Variants in SHANK2 observed in about 807,000 individuals in gnomAD.
SHANK2 encodes SH3 and multiple ankyrin repeat domains 2.
In SHANK2, 43 loss-of-function variants were observed where a neutral mutation model predicts 133.7. The ratio of observed to expected loss-of-function variants is 0.32; its 90% CI spans 0.25 to 0.41. The LOEUF (loss-of-function observed/expected upper bound fraction) is 0.41. Ranked by LOEUF, SHANK2 falls within the 10% of genes least tolerant of loss-of-function variation. SHANK2 has a pLI of 1.00. For synonymous variants in SHANK2, 1,017 were observed against 952.8 expected, an observed-to-expected ratio of 1.07 and a Z score of -1.24; for missense variants, 1,994 against 2,235.8, an observed-to-expected ratio of 0.89 and a Z score of 2.18.
intron 15 of SHANK2, chr11:70,669,562 G>T (rs1555015537): frequency 6.6e-6 from 1 of 152,646 alleles, no homozygotes; most frequent in Non-Finnish European, 1.5e-5. Context: ...GAGGCAGCGG[G>T]GCTGTTTCCA....
chr11:71,116,516 G>T (rs1467815632), intron 4 of SHANK2, among the ~76,000 whole-genome samples: 1 of 152,254 alleles, frequency 6.6e-6, no homozygotes, highest in Non-Finnish European at 1.5e-5. Context: ...GGGAGGCCCA[G>T]GAGCTTGTGG....
intron 15 of SHANK2, among the ~76,000 whole-genome samples, chr11:70,681,491 G>T (rs1370934424): frequency 1.3e-5 from 2 of 152,080 alleles, no homozygotes; most frequent in Non-Finnish European, 2.9e-5. Context: ...GCCGAAAGGT[G>T]CACATCCACC....
chr11:71,233,972 G>A (rs1555123326), intron 1 of SHANK2, among the ~76,000 whole-genome samples: 1 of 151,786 alleles, frequency 6.6e-6, no homozygotes, highest in African/African-American at 2.4e-5. Context: ...GCTTGAACCC[G>A]GGAGGCAGAG....
intron 11 of SHANK2, chr11:70,862,707 C>T (rs532084443): frequency 6.8e-5 from 10 of 147,222 alleles, no homozygotes; most frequent in South Asian, 3.3e-4. Flanking sequence ...CTCAGGCTTC[C>T]GGCTTGAGTG....
At chr11:71,119,076 T>A in intron 3 of SHANK2, 44 bp from the exon 4 acceptor site, 1 of 1,521,682 alleles carries the variant, frequency 6.6e-7, no homozygotes, top group Non-Finnish European at 8.9e-7. Context: ...CAGAGGACGC[T>A]ACCTGAGTCA....
At chr11:70,542,402 G>C (rs1056281387) in intron 17 of SHANK2, among the ~76,000 whole-genome samples, 1 of 152,188 alleles carries the variant, frequency 6.6e-6, no homozygotes, top group Non-Finnish European at 1.5e-5. Flanking sequence ...CCCAGAGCTG[G>C]AGGAGGCAAG....
chr11:70,672,254 G>C (rs1476623396), intron 15 of SHANK2, among the ~76,000 whole-genome samples: 4 of 152,050 alleles, frequency 2.6e-5, no homozygotes, highest in African/African-American at 9.7e-5. Context: ...AGTAGAGACA[G>C]GGTTTCACCA....
intron 2 of SHANK2, among the ~76,000 whole-genome samples, chr11:71,149,980 G>C (rs115452154): frequency 0.037 from 549 of 15,002 alleles, 82 homozygotes; most frequent in African/African-American, 0.13. Flanking sequence ...GACAGAGAGG[G>C]AGAGGGAGAG....
intron 15 of SHANK2, chr11:70,668,562 C>A (rs1555015322): frequency 6.6e-6 from 1 of 152,320 alleles, no homozygotes; most frequent in South Asian, 2.1e-4. Context: ...TTTTGAGCCC[C>A]CTAGTCTGTG....
intron 10 of SHANK2, among the ~76,000 whole-genome samples, chr11:70,912,102 A>G (rs1555079136): frequency 1.7e-4 from 20 of 116,438 alleles, no homozygotes; most frequent in East Asian, 2.7e-4. Flanking sequence ...AAAAAAAAAA[A>G]AAAAAAAAAA....
At chr11:70,868,432 T>G (rs1949406255) in intron 11 of SHANK2, among the ~76,000 whole-genome samples, 1 of 152,178 alleles carries the variant, frequency 6.6e-6, no homozygotes, top group Admixed American at 6.5e-5. Flanking sequence ...CAAGAGTCCC[T>G]CTACCACCAC....
intron 10 of SHANK2, among the ~76,000 whole-genome samples, chr11:70,914,546 G>A (rs782321505): frequency 2.0e-4 from 31 of 151,816 alleles, no homozygotes; most frequent in Non-Finnish European, 3.7e-4. Context: ...GGTTGGGCAC[G>A]GTAGCTCACA....
intron 14 of SHANK2, among the ~76,000 whole-genome samples, chr11:70,779,954 G>GGCACATTGC (rs1947446881): frequency 6.6e-6 from 1 of 152,086 alleles, no homozygotes; most frequent in African/African-American, 2.4e-5. Flanking sequence ...GTCCCATCAG[G>GGCACATTGC]ACTCTCGCTA....
chr11:70,896,206 G>C (rs965135354), intron 11 of SHANK2, among the ~76,000 whole-genome samples: 2 of 152,178 alleles, frequency 1.3e-5, no homozygotes, highest in South Asian at 4.1e-4. Flanking sequence ...AATCAATGAT[G>C]TTCACATGGA....
At chr11:71,249,534 G>C (rs1276400939) in intron 1 of SHANK2, among the ~76,000 whole-genome samples, 1 of 152,172 alleles carries the variant, frequency 6.6e-6, no homozygotes, top group Non-Finnish European at 1.5e-5. Context: ...GAAAGCTCCG[G>C]CTTGAGTTTA....
chr11:71,131,553 T>C (rs1419132962), intron 3 of SHANK2, among the ~76,000 whole-genome samples: 1 of 152,200 alleles, frequency 6.6e-6, no homozygotes, highest in Non-Finnish European at 1.5e-5. Context: ...GCTGCCTGTC[T>C]GTCTCTGCTA....
chr11:71,222,934 C>T (rs1555121528), intron 2 of SHANK2, among the ~76,000 whole-genome samples: 1 of 152,230 alleles, frequency 6.6e-6, no homozygotes. Flanking sequence ...GGATACAGAC[C>T]CAGCCCTCAG....
rs185978101 is a variant in SHANK2, at chr11:70,532,357, C to T, written c.2062-29426G>A. Among the ~76,000 whole-genome samples, 266 of 152,274 alleles carry T rather than the reference C, an allele frequency of 1.7e-3. 4 individuals carry two copies. Among genetic ancestry groups the T allele is most frequent in the African/African-American group, 5.7e-3 (236 of 41,552 alleles). ...TCAAGTCCACTCTGTGCTCTGCCCC[C>T]CATGCTGTGCACAGCTGCTGGCATG... is the stretch of plus-strand genomic sequence containing the variant. On this transcript the variant is annotated intron_variant, in intron 17 of 25. Transcript: ENST00000601538.
chr11:70,690,648 C>T (rs1362830887), intron 15 of SHANK2, among the ~76,000 whole-genome samples: 6 of 142,780 alleles, frequency 4.2e-5, no homozygotes, highest in African/African-American at 1.5e-4. Context: ...CTGAGTCCAA[C>T]TTGGAGACAA....
Sources: gnomAD v4.1 joint callset for allele counts (sites outside exome capture counted in the v4.1 genomes callset) on GRCh38, gnomAD v4.1.1 for gene constraint, MANE v1.5 for transcripts, NCBI Gene and HGNC (gene_info 2026-07-23, HGNC 2026-07-21) for gene names.